Variants in ZNF738 observed in about 807,000 individuals in gnomAD.
The protein encoded by ZNF738 is zinc finger protein 738, also known as protein ZNF738.
Under a neutral mutation model 9.2 loss-of-function variants are expected in ZNF738, and 10 were observed. The observed-to-expected ratio is 1.09, with a 90% confidence interval of 0.67 to 1.85. The LOEUF (loss-of-function observed/expected upper bound fraction) is 1.85. Ranked by LOEUF, ZNF738 falls within the 40% of genes most tolerant of loss-of-function variation. ZNF738 has a pLI of 0.00. For synonymous variants in ZNF738, 113 were observed against 94.5 expected (o/e 1.20, Z -1.14); for missense variants, 346 against 283.6 (o/e 1.22, Z -1.58).
intron 4 of ZNF738, chr19:21,378,995 C>G (rs574556210): frequency 6.6e-6 from 1 of 151,992 alleles, no homozygotes; most frequent in Non-Finnish European, 1.5e-5. Flanking sequence ...TCTTTGTATT[C>G]TAGTTTGTTT....
Position 21,383,241 on chromosome 19 carries a change from A to C in ZNF738, c.695A>C (p.Tyr232Ser), listed in dbSNP as rs759819898. 6.3e-7 allele frequency: 1 copy of C among 1,592,876 alleles called. No individual in the cohort carries two copies. Among genetic ancestry groups the C allele is most frequent in the Non-Finnish European group, 8.6e-7 (1 of 1,162,646 alleles). Residue 232 changes from tyrosine (Y) to serine (S), a missense_variant, in exon 5 of 5, where the codon TAC (tyrosine) becomes TCC (serine). Tyr to Ser is a moderately radical substitution (Grantham distance 144). Transcript: ENST00000683779. ...ATAATTCATATTAGAGAGAATTCTT[A>C]CCAATGTGAAGAATGTGGCAAAGCC... Reference protein sequence around the residue: ...HKIIHIRENSYQCEECGKAFK... With the variant: ...HKIIHIRENSSQCEECGKAFK...
At chr19:21,382,578 A>G (rs1240707989) in intron 4 of ZNF738, among the ~76,000 whole-genome samples, 4 of 152,162 alleles carry the variant, frequency 2.6e-5, no homozygotes, top group Non-Finnish European at 5.9e-5. Context: ...GGGGAGCAGG[A>G]ACAGCTGTGT....
chr19:21,379,419 G>T (rs1973979591), intron 4 of ZNF738: 1 of 152,118 alleles, frequency 6.6e-6, no homozygotes, highest in Non-Finnish European at 1.5e-5. Flanking sequence ...AATGTGTCTT[G>T]CCTGAAATTT....
In ZNF738 at chr19:21,383,712, GA is replaced by G; in HGVS notation, c.*39del. On this transcript the variant is annotated 3_prime_UTR_variant, in exon 5 of 5. Coordinates refer to ENST00000683779, the MANE Select transcript of ZNF738 (RefSeq NM_001355237.2). Reference sequence around the variant, plus strand: ...TTTAATGTATTCGCAACCCTTACTAGACATAAGATAATTCATACTGAAGAGA... The same window carrying G: ...TTTAATGTATTCGCAACCCTTACTAGCATAAGATAATTCATACTGAAGAGA... 1 of 994,452 alleles carries G rather than the reference GA, an allele frequency of 1.0e-6. No individual in the cohort carries two copies. The highest frequency in any genetic ancestry group is 1.3e-5 in the South Asian group (1 of 78,984). The allele number at this position is 994,452 out of a possible 1,614,324, so 61.6% of individuals were successfully genotyped here.
At position 21,385,091 on chromosome 19, in the gene ZNF738, C is replaced by T. The variant is rs192518002; in HGVS notation, c.*1417C>T. Among the ~76,000 whole-genome samples, 132 of 152,094 alleles carry T rather than the reference C, an allele frequency of 8.7e-4. No individual in the cohort carries two copies. The highest frequency in any genetic ancestry group is 6.2e-4 in the South Asian group (3 of 4,816). ...TTTGACTGGGTGCGGTGGCTCATGC[C>T]TGTAATCCCAGCACTTTGGGAGGCT... On this transcript the variant is annotated 3_prime_UTR_variant, in exon 5 of 5. Transcript: ENST00000683779.
In ZNF738 at chr19:21,387,549, G is replaced by A. The variant is rs1301739512; in HGVS notation, c.*3875G>A. ...AAGAAATCCTACAAGTGAGAGCAAT[G>A]TGGCAAAACTTAACCACCTTATTGC... is the stretch of plus-strand genomic sequence containing the variant. On this transcript the variant is annotated 3_prime_UTR_variant, in exon 5 of 5. Transcript: ENST00000683779. Among the ~76,000 whole-genome samples the A allele has an allele frequency of 6.6e-6, 1 of 152,190 alleles. No homozygotes were observed. The highest frequency in any genetic ancestry group is 2.4e-5 in the African/African-American group (1 of 41,448).
Position 21,376,201 on chromosome 19 carries a change from A to G in ZNF738, c.319+237A>G, listed in dbSNP as rs1172588423. ...TAAGGATTCTACTTTCCCTTCATTGATTTTCCTTCAAGTTCACAGTGAGAG... is the reference window on the plus strand; with the variant it reads ...TAAGGATTCTACTTTCCCTTCATTGGTTTTCCTTCAAGTTCACAGTGAGAG... On this transcript the variant is annotated intron_variant, in intron 4 of 4. Transcript: ENST00000683779. The G allele has an allele frequency of 9.0e-6, 3 of 334,984 alleles. No homozygotes were observed. The South Asian group carries it at 1.3e-4, about 14-fold the overall frequency. The allele number at this position is 334,984 out of a possible 1,614,324, so 20.8% of individuals were successfully genotyped here.
chr19:21,381,462 C>T, intron 4 of ZNF738: 1 of 1,267,482 alleles, frequency 7.9e-7, no homozygotes, highest in African/African-American at 1.5e-5. Flanking sequence ...TGGACACCAA[C>T]TTTTACACCT....
chr19:21,360,326 C>T (rs1421438610), intron 1 of ZNF738: 2 of 152,194 alleles, frequency 1.3e-5, no homozygotes, highest in African/African-American at 2.4e-5. Flanking sequence ...AAGTCTAACC[C>T]CCATCCCTCA....
Position 21,388,490 on chromosome 19 carries a change from T to C in ZNF738, c.*4816T>C, listed in dbSNP as rs1426167729. Among the ~76,000 whole-genome samples, 9 of 152,156 alleles carry C rather than the reference T, an allele frequency of 5.9e-5. No homozygotes were observed. The highest frequency in any genetic ancestry group is 3.3e-4 in the Admixed American group (5 of 15,268). ...GTAGGTGTTAAGAGTATTGTTCTTT[T>C]GCATTATGAGAAAACTAGTAGTATA... On this transcript the variant is annotated 3_prime_UTR_variant, in exon 5 of 5. Transcript: ENST00000683779.
At chr19:21,360,797 T>C (rs1200230465) in intron 1 of ZNF738, among the ~76,000 whole-genome samples, 1 of 150,486 alleles carries the variant, frequency 6.6e-6, no homozygotes, top group Non-Finnish European at 1.5e-5. Flanking sequence ...TTTAATTAAT[T>C]ATTTTTTGGC....
At chr19:21,366,905 C>A (rs1973788775) in intron 2 of ZNF738, among the ~76,000 whole-genome samples, 1 of 152,118 alleles carries the variant, frequency 6.6e-6, no homozygotes, top group Non-Finnish European at 1.5e-5. Flanking sequence ...TCAGCCAGAT[C>A]TTTGTGACCT....
chr19:21,365,871 C>T (rs1029718309), intron 2 of ZNF738, among the ~76,000 whole-genome samples: 8 of 151,680 alleles, frequency 5.3e-5, no homozygotes, highest in African/African-American at 1.9e-4. Context: ...GCAGGAGAAT[C>T]GCTTGAACCT....
chr19:21,362,003 T>A (rs2968023), intron 2 of ZNF738, 145 bp downstream of exon 2: 511,074 of 538,578 alleles, frequency 0.95, 243,911 homozygotes, highest in African/African-American at 0.99. Flanking sequence ...AATCACTTGA[T>A]CCCGGGAGGC....
Position 21,382,859 on chromosome 19 carries a change from C to T in ZNF738, c.320-7C>T, listed in dbSNP as rs999516525. The T allele has an allele frequency of 4.8e-6, 2 of 419,362 alleles. No homozygotes were observed. Among genetic ancestry groups the T allele is most frequent in the Admixed American group, 3.5e-5 (1 of 28,194 alleles). The allele number at this position is 419,362 out of a possible 1,614,324, so 26.0% of individuals were successfully genotyped here. A position where few individuals can be genotyped will look rare whatever the true frequency, so the allele number is the denominator to read the frequency against. On this transcript the variant is annotated splice_polypyrimidine_tract_variant and splice_region_variant and intron_variant, in intron 4 of 4. Coordinates refer to ENST00000683779, the MANE Select transcript of ZNF738 (RefSeq NM_001355237.2). ...GTGGAGTAACTTGATATTTTTATTT[C>T]TTTCAGTTACATATTCTCATTTTGC... is the stretch of plus-strand genomic sequence containing the variant.
At chr19:21,381,343 T>C (rs1974001379) in intron 4 of ZNF738, 6 of 1,530,572 alleles carry the variant, frequency 3.9e-6, no homozygotes, top group Admixed American at 3.4e-5. Flanking sequence ...TTAGCTTTGC[T>C]TTCTTTTTGA....
In ZNF738 at chr19:21,383,122, T is replaced by C. The variant is rs1301217241; in HGVS notation, c.576T>C (p.Asn192=). ...VKVFHKFLNS[N]THKTRHTGKK... ...TCTTTCATAAATTTTTAAATTCAAA[T>C]ACACATAAGACAAGACATACTGGAA... Residue 192 remains asparagine (N), a synonymous_variant, in exon 5 of 5, where the codon AAT becomes AAC. Coordinates refer to ENST00000683779, the MANE Select transcript of ZNF738 (RefSeq NM_001355237.2). The C allele has an allele frequency of 4.5e-6, 7 of 1,562,404 alleles. No individual in the cohort carries two copies. The highest frequency in any genetic ancestry group is 5.3e-6 in the Non-Finnish European group (6 of 1,137,688).
chr19:21,381,346 C>G, intron 4 of ZNF738: 2 of 1,518,924 alleles, frequency 1.3e-6, no homozygotes, highest in East Asian at 2.3e-5. Flanking sequence ...GCTTTGCTTT[C>G]TTTTTGATGA....
rs1465046413 is a variant in ZNF738, at chr19:21,388,209, T to C, written c.*4535T>C. On this transcript the variant is annotated 3_prime_UTR_variant, in exon 5 of 5. Transcript: ENST00000683779. ...AGTAATAACTACATTCTAAGTATAC[T>C]TTATTTCTTGAAAAAATTACAGACT... Among the ~76,000 whole-genome samples, 1 of 152,160 alleles carries C rather than the reference T, an allele frequency of 6.6e-6. No individual in the cohort carries two copies. Among genetic ancestry groups the C allele is most frequent in the East Asian group, 1.9e-4 (1 of 5,204 alleles).
Sources: gnomAD v4.1 joint callset for allele counts (sites outside exome capture counted in the v4.1 genomes callset) on GRCh38, gnomAD v4.1.1 for gene constraint, MANE v1.5 for transcripts, NCBI Gene and HGNC (gene_info 2026-07-23, HGNC 2026-07-21) for gene names.